The following NHSL2 variants were observed in gnomAD, a reference collection of about 807,000 sequenced individuals.
The protein encoded by NHSL2 is NHS like 2.
Under a neutral mutation model 53.4 loss-of-function variants are expected in NHSL2, and 27 were observed. The observed-to-expected ratio is 0.51, with a 90% CI of 0.37 to 0.70. The LOEUF (loss-of-function observed/expected upper bound fraction) is 0.70, where lower values mean the gene tolerates loss of function less well. Ranked by LOEUF, NHSL2 falls within the 30% of genes least tolerant of loss-of-function variation. NHSL2 has a pLI of 0.00. For synonymous variants in NHSL2, 408 were observed against 404.1 expected (o/e 1.01, Z -0.12); for missense variants, 892 against 980.1 (o/e 0.91, Z 1.20).
intron 1 of NHSL2, among the ~76,000 whole-genome samples, chrX:71,999,794 TA>T (rs199803883): frequency 0.083 from 9,209 of 111,004 alleles, 382 homozygotes; most frequent in East Asian, 0.27. Flanking sequence ...TTTCAACATT[TA>T]AAAAAAAATT....
intron 1 of NHSL2, among the ~76,000 whole-genome samples, chrX:71,959,370 G>A (rs1029307272): frequency 1.8e-5 from 2 of 112,545 alleles, no homozygotes; most frequent in African/African-American, 6.5e-5. Context: ...AACAGTAAGA[G>A]TCTTACTAGT....
chrX:72,142,891 G>T (rs989583561), intron 7 of NHSL2, among the ~76,000 whole-genome samples: 2 of 111,788 alleles, frequency 1.8e-5, no homozygotes, highest in African/African-American at 6.5e-5. Context: ...AAACTGGGAA[G>T]AGTTTATTAT....
rs748803964 is a variant in NHSL2 at position 72,129,982 on chromosome X, C to G, written c.281-2097C>G. On this transcript the variant is annotated intron_variant, in intron 1 of 7. Transcript: ENST00000633930. ...GGAGCTGTAGAATGGTGAATTGGTG[C>G]CTGGAAGGCCTTCCAGAAGTGGGAC... 9.1e-6 allele frequency: 11 copies of G among 1,209,425 alleles called. No homozygotes were observed. In the African/African-American group the frequency reaches 1.6e-4, roughly 17 times the overall value.
intron 1 of NHSL2, among the ~76,000 whole-genome samples, chrX:72,067,354 A>G (rs911433068): frequency 9.0e-6 from 1 of 111,331 alleles, no homozygotes; most frequent in East Asian, 2.8e-4. Context: ...CTGGAAATAT[A>G]ATCCAGGGTC....
intron 1 of NHSL2, among the ~76,000 whole-genome samples, chrX:72,117,064 C>T (rs1330901040): frequency 9.0e-6 from 1 of 110,614 alleles, no homozygotes; most frequent in Non-Finnish European, 1.9e-5. Flanking sequence ...ATTTCAAGAT[C>T]AAGACCCAGG....
chrX:72,057,604 G>A (rs530059443), intron 1 of NHSL2, among the ~76,000 whole-genome samples: 31 of 111,487 alleles, frequency 2.8e-4, no homozygotes, highest in African/African-American at 9.8e-4. Flanking sequence ...AACCTTCCTC[G>A]ACTTGCTCCT....
chrX:71,918,559 T>C (rs1435371497), intron 1 of NHSL2, among the ~76,000 whole-genome samples: 1 of 111,502 alleles, frequency 9.0e-6, no homozygotes, highest in African/African-American at 3.3e-5. Context: ...CCGGAGGTGA[T>C]TGAGGTCTCC....
chrX:71,977,902 A>G (rs1406726309), intron 1 of NHSL2, among the ~76,000 whole-genome samples: 2 of 111,336 alleles, frequency 1.8e-5, no homozygotes, highest in Non-Finnish European at 3.8e-5. Context: ...CTTATTACAT[A>G]CTGCTTGCAT....
At chrX:72,046,140 CCCTAGGT>C (rs753297822) in intron 1 of NHSL2, among the ~76,000 whole-genome samples, 5 of 112,329 alleles carry the variant, frequency 4.5e-5, no homozygotes, top group Non-Finnish European at 9.4e-5. Flanking sequence ...TCCCCGAATT[CCCTAGGT>C]CCTGCATTTC....
chrX:72,143,513 C>G lies in NHSL2; in HGVS notation c.3617C>G (p.Ala1206Gly). The G allele has an allele frequency of 8.6e-7, 1 of 1,166,839 alleles. No individual in the cohort carries two copies. ...CTTCTGAAGACCACTAACCCACTGGCTCGGAGAATTATTGCACAATTTTCA... is the reference window on the plus strand; with the variant it reads ...CTTCTGAAGACCACTAACCCACTGGGTCGGAGAATTATTGCACAATTTTCA... The part of the protein sequence containing the change: ...AELLKTTNPL[A>G]RRIIAQFSKD... Residue 1206 changes from alanine to glycine, a missense_variant, in exon 8 of 8, where the codon GCT becomes GGT. Coordinates refer to ENST00000633930, the MANE Select transcript of NHSL2 (RefSeq NM_001013627.3).
intron 1 of NHSL2, among the ~76,000 whole-genome samples, chrX:72,019,797 C>T (rs766692312): frequency 3.6e-5 from 4 of 112,034 alleles, no homozygotes; most frequent in Non-Finnish European, 7.5e-5. Flanking sequence ...ATAGGGCTGG[C>T]TCTGTAATTT....
At chrX:72,091,205 G>C (rs1225026723) in intron 1 of NHSL2, among the ~76,000 whole-genome samples, 1 of 112,445 alleles carries the variant, frequency 8.9e-6, no homozygotes, top group African/African-American at 3.2e-5. Context: ...TGTAATCCCA[G>C]CACTTTGGGA....
intron 1 of NHSL2, among the ~76,000 whole-genome samples, chrX:72,026,115 C>G (rs1471423714): frequency 8.9e-6 from 1 of 112,019 alleles, no homozygotes; most frequent in Admixed American, 9.4e-5. Flanking sequence ...CCCTTTGTCC[C>G]TTCCCCGTCT....
At chrX:72,085,820 C>A (rs2041837488) in intron 1 of NHSL2, among the ~76,000 whole-genome samples, 1 of 107,584 alleles carries the variant, frequency 9.3e-6, no homozygotes, top group African/African-American at 3.4e-5. Context: ...CTGCTCCCTA[C>A]TCCCTCCCTA....
In NHSL2 at chrX:72,143,587, A is replaced by G. The variant is rs2042437496; in HGVS notation, c.*13A>G. On this transcript the variant is annotated 3_prime_UTR_variant, in exon 8 of 8. Transcript: ENST00000633930. ...CCCCAGTACCTAAGCCCTGGGCTCA[A>G]CAAGCAGGGTTTACTTACTAAACTT... 3 of 1,079,724 alleles carry G rather than the reference A, an allele frequency of 2.8e-6. No homozygotes were observed. Among genetic ancestry groups the G allele is most frequent in the Non-Finnish European group, 3.7e-6 (3 of 806,825 alleles). The allele number at this position is 1,079,724 out of a possible 1,213,427, so 89.0% of individuals were successfully genotyped here. A position where few individuals can be genotyped will look rare whatever the true frequency, so the allele number is the denominator to read the frequency against.
At position 71,963,949 on chromosome X, in the gene NHSL2, C is replaced by CTATATA. The variant is rs1447693800; in HGVS notation, c.280+52587_280+52592dup. Among the ~76,000 whole-genome samples, 189 of 24,527 alleles carry CTATATA rather than the reference C, an allele frequency of 7.7e-3. 3 individuals are homozygous for CTATATA. Among genetic ancestry groups the CTATATA allele is most frequent in the African/African-American group, 0.018 (180 of 10,068 alleles). 21.3% of individuals were successfully genotyped at this position (24,527 alleles called of 115,157 possible). The stretch of plus-strand genomic sequence containing the variant: ...AAAAAGAAAGAGAAAGGTGGAGTGG[C>CTATATA]TATATATATACACATATATATATAC... On this transcript the variant is annotated intron_variant, in intron 1 of 7. Coordinates refer to ENST00000633930, the MANE Select transcript of NHSL2 (RefSeq NM_001013627.3).
intron 1 of NHSL2, among the ~76,000 whole-genome samples, chrX:72,109,122 C>T (rs946409682): frequency 1.8e-5 from 2 of 111,512 alleles, no homozygotes; most frequent in African/African-American, 6.5e-5. Flanking sequence ...GTGTGAACTC[C>T]GTGAGGGCAT....
intron 1 of NHSL2, chrX:71,965,878 G>A (rs2041898788): frequency 8.9e-6 from 1 of 112,303 alleles, no homozygotes; most frequent in Admixed American, 9.4e-5. Flanking sequence ...AATATAAACA[G>A]TAATTTTTAA....
chrX:72,049,502 C>G lies in NHSL2; in HGVS notation c.281-82577C>G, dbSNP rs59874581. On this transcript the variant is annotated intron_variant, in intron 1 of 7. Transcript: ENST00000633930. ...TTCCCAGTGCCCGGAGTGGGTGAGA[C>G]TCCCCCCAATTCCCTTCTTTATTCT... 8.2e-4 allele frequency among the ~76,000 whole-genome samples: 91 copies of G among 110,455 alleles called. No individual in the cohort carries two copies. The East Asian group carries it at 0.018, about 21-fold the overall frequency.
Sources: allele counts gnomAD v4.1 joint callset (sites outside exome capture counted in the v4.1 genomes callset), GRCh38; gene constraint gnomAD v4.1.1; transcripts MANE v1.5; gene names NCBI Gene and HGNC (gene_info 2026-07-23, HGNC 2026-07-21).